Variants in UPP2 observed in about 807,000 individuals in gnomAD.
The protein encoded by UPP2 is uridine phosphorylase 2, also known as UPase 2.
A neutral mutation model predicts 26.7 loss-of-function variants in UPP2; 23 were observed. That is an observed-to-expected ratio of 0.86 (90% confidence interval 0.62 to 1.22). The LOEUF (loss-of-function observed/expected upper bound fraction) is 1.22. Among genes scored for constraint, UPP2 ranks in the 50% most tolerant of loss-of-function variants. The pLI is 0.00. For synonymous variants in UPP2, 127 were observed against 141.3 expected (o/e 0.90, Z 0.72); for missense variants, 387 against 396.7 (o/e 0.98, Z 0.21).
chr2:158,011,408 TTCCAGGCTCACA>T (rs200560078), intron 2 of UPP2, among the ~76,000 whole-genome samples: 1,710 of 152,284 alleles, frequency 0.011, 39 homozygotes, highest in African/African-American at 0.038. Context: ...TCTTTACAGT[TTCCAGGCTCACA>T]TCTGGGCTCA....
chr2:158,026,090 T>G (rs1258251132), intron 3 of UPP2, among the ~76,000 whole-genome samples: 1 of 152,070 alleles, frequency 6.6e-6, no homozygotes, highest in Non-Finnish European at 1.5e-5. Flanking sequence ...CCCGTCGTGC[T>G]CTTTGTGAGG....
chr2:158,003,836 G>A (rs936632946), intron 2 of UPP2, among the ~76,000 whole-genome samples: 3 of 151,972 alleles, frequency 2.0e-5, no homozygotes, highest in African/African-American at 7.2e-5. Context: ...GATGTAAAAT[G>A]TACACATGTA....
At chr2:158,018,306 TTTGG>T (rs1683693190) in intron 3 of UPP2, among the ~76,000 whole-genome samples, 1 of 152,240 alleles carries the variant, frequency 6.6e-6, no homozygotes, top group Non-Finnish European at 1.5e-5. Flanking sequence ...ATTAAGACGG[TTTGG>T]ATTATGCTAA....
At chr2:158,016,769 A>G (rs1230142974) in intron 3 of UPP2, among the ~76,000 whole-genome samples, 6 of 152,100 alleles carry the variant, frequency 3.9e-5, no homozygotes, top group African/African-American at 1.4e-4. Context: ...GGATTTCTCA[A>G]TAATTAAGTG....
At chr2:158,047,143 T>C (rs1684167077) in intron 3 of UPP2, among the ~76,000 whole-genome samples, 1 of 152,196 alleles carries the variant, frequency 6.6e-6, no homozygotes, top group African/African-American at 2.4e-5. Flanking sequence ...TTGCATTTGT[T>C]CTAAGTTTCA....
intron 3 of UPP2, among the ~76,000 whole-genome samples, chr2:158,083,865 T>TATATATATATA (rs1553467788): frequency 3.1e-4 from 37 of 118,752 alleles, no homozygotes; most frequent in African/African-American, 1.2e-3. Context: ...TATATATGTT[T>TATATATATATA]TTTATATATA....
rs923451200 is a variant in UPP2, at chr2:158,133,444, C to T, written c.812-1304C>T. Among the ~76,000 whole-genome samples, 3 of 151,964 alleles carry T rather than the reference C, an allele frequency of 2.0e-5. No individual in the cohort carries two copies. The South Asian group carries it at 6.2e-4, about 32-fold the overall frequency. On this transcript the variant is annotated intron_variant, in intron 6 of 6. Transcript: ENST00000005756. Reference sequence around the variant, plus strand: ...ACAAGGAGGATTAAGCTCGAGAGATCTATTGCATAGCATAGTGATGAGAGT... The same window carrying T: ...ACAAGGAGGATTAAGCTCGAGAGATTTATTGCATAGCATAGTGATGAGAGT...
intron 3 of UPP2, among the ~76,000 whole-genome samples, chr2:158,034,518 G>A (rs914745518): frequency 1.3e-5 from 2 of 152,198 alleles, no homozygotes; most frequent in African/African-American, 2.4e-5. Context: ...AGCCTTCAAG[G>A]ATCTCAGAGG....
chr2:158,095,062 C>T (rs1682965038), intron 3 of UPP2, among the ~76,000 whole-genome samples: 2 of 152,180 alleles, frequency 1.3e-5, no homozygotes, highest in African/African-American at 4.8e-5. Flanking sequence ...CCCTCATACC[C>T]TTTAACTAAT....
intron 2 of UPP2, among the ~76,000 whole-genome samples, chr2:158,014,949 G>A (rs1683636467): frequency 6.6e-6 from 1 of 152,194 alleles, no homozygotes; most frequent in Non-Finnish European, 1.5e-5. Context: ...TATGTAGGAA[G>A]CAGAAAACTT....
At chr2:158,019,736 T>A (rs1293997383) in intron 3 of UPP2, among the ~76,000 whole-genome samples, 1 of 151,750 alleles carries the variant, frequency 6.6e-6, no homozygotes, top group African/African-American at 2.4e-5. Context: ...TTCATATGGA[T>A]AAAATGTACA....
chr2:158,017,392 T>A (rs1683676017), intron 3 of UPP2, among the ~76,000 whole-genome samples: 1 of 152,040 alleles, frequency 6.6e-6, no homozygotes, highest in Non-Finnish European at 1.5e-5. Context: ...ACAGAAGTCA[T>A]CTTAGTACTT....
chr2:158,068,802 A>T (rs1229288039), intron 3 of UPP2, among the ~76,000 whole-genome samples: 196 of 18,892 alleles, frequency 0.01, 3 homozygotes, highest in South Asian at 0.024. Flanking sequence ...ATATATATAT[A>T]TTTTTTTTTT....
At chr2:158,122,126 T>C (rs1023892838) in intron 5 of UPP2, among the ~76,000 whole-genome samples, 5 of 151,820 alleles carry the variant, frequency 3.3e-5, no homozygotes, top group East Asian at 1.9e-4. Flanking sequence ...TAGAGACAAA[T>C]TGAAGATGAC....
At chr2:157,995,408 A>G (rs1683309625) in intron 2 of UPP2, 2 of 874,138 alleles carry the variant, frequency 2.3e-6, no homozygotes, top group Admixed American at 4.5e-5. Context: ...TTAAGGGATG[A>G]TGCAACACAT....
intron 3 of UPP2, among the ~76,000 whole-genome samples, chr2:158,067,866 A>G (rs953192852): frequency 2.0e-5 from 3 of 152,152 alleles, no homozygotes; most frequent in African/African-American, 7.2e-5. Flanking sequence ...CAGGCCTAGC[A>G]AGTAAAATTT....
chr2:158,057,184 G>A (rs919435370), intron 3 of UPP2, among the ~76,000 whole-genome samples: 1 of 152,132 alleles, frequency 6.6e-6, no homozygotes, highest in African/African-American at 2.4e-5. Context: ...TCACCTGGCC[G>A]AGGTAGTGTT....
intron 3 of UPP2, among the ~76,000 whole-genome samples, chr2:158,061,478 T>C (rs1471303494): frequency 3.9e-5 from 6 of 152,256 alleles, no homozygotes. Flanking sequence ...TGTAGCAGCA[T>C]TGACTTTTTA....
rs374866116 is a variant in UPP2, at chr2:158,068,012, A to G, written c.148-34028A>G. Among the ~76,000 whole-genome samples, 95 of 152,324 alleles carry G rather than the reference A, an allele frequency of 6.2e-4. 2 individuals carry two copies. In the South Asian group the frequency reaches 0.019, roughly 31 times the overall value. On this transcript the variant is annotated intron_variant, in intron 3 of 9. Transcript: ENST00000605860. ...CATTGCTACTGTTATTATTATTAGC[A>G]ATTCTGTAAAAACTTTGAAATAACT...
Sources: gnomAD v4.1 joint callset for allele counts (sites outside exome capture counted in the v4.1 genomes callset) on GRCh38, gnomAD v4.1.1 for gene constraint, MANE v1.5 for transcripts, NCBI Gene and HGNC (gene_info 2026-07-23, HGNC 2026-07-21) for gene names.